Variants in NPHP3 observed in about 807,000 individuals in gnomAD.
NPHP3 encodes the protein nephrocystin 3, also known as nephrocystin-3.
A neutral mutation model predicts 171.9 loss-of-function variants in NPHP3; 123 were observed. That is an observed-to-expected ratio of 0.72 (90% CI 0.62 to 0.83). NPHP3 has a LOEUF of 0.83. Ranked by LOEUF, NPHP3 falls within the 40% of genes least tolerant of loss-of-function variation. The probability of loss-of-function intolerance (pLI) is 0.00; values close to 1 mark genes in which losing one functional copy is unlikely to be tolerated. For synonymous variants in NPHP3, 558 were observed against 579.2 expected (o/e 0.96, Z 0.52); for missense variants, 1,506 against 1,591.9 (o/e 0.95, Z 0.92).
At chr3:132,683,221 G>A (rs1939076092) in intron 25 of NPHP3, among the ~76,000 whole-genome samples, 178 bp downstream of exon 25, 1 of 152,168 alleles carries the variant, frequency 6.6e-6, no homozygotes, top group African/African-American at 2.4e-5. Flanking sequence ...TTTACACTAA[G>A]AGGAAGGGAC....
In NPHP3 at chr3:132,705,807, T is replaced by C. The variant is rs775837415; in HGVS notation, c.1283A>G (p.Asp428Gly). 1.7e-5 allele frequency: 25 copies of C among 1,498,502 alleles called. No homozygotes were observed. The South Asian group carries it at 2.4e-4, about 14-fold the overall frequency. 92.8% of individuals were successfully genotyped at this position (1,498,502 alleles called of 1,614,324 possible). A position where few individuals can be genotyped will look rare whatever the true frequency, so the allele number is the denominator to read the frequency against. ...LNKTSKAKII[D>G]HSGDPAEGVY... ...TCCTTCTGCAGGATCTCCTGAGTGATCAATGATCTAGATAAAAATCATTTA... is the reference window on the plus strand; with the variant it reads ...TCCTTCTGCAGGATCTCCTGAGTGACCAATGATCTAGATAAAAATCATTTA... The change falls in exon 8 of 27, where the codon GAT becomes GGT. Residue 428 changes from aspartate to glycine, a missense_variant. This residue lies in a region of NPHP3 where 930 missense variants were observed against 924.9 expected (regional missense o/e 1.01). Coordinates refer to ENST00000337331, the MANE Select transcript of NPHP3 (RefSeq NM_153240.5).
chr3:132,721,660 G>GAAATA (rs1940222280), intron 1 of NPHP3: 1 of 556,948 alleles, frequency 1.8e-6, no homozygotes, highest in African/African-American at 1.9e-5. Context: ...GCGGGGACCA[G>GAAATA]GCGCGGTGGC....
intron 8 of NPHP3, 81 bp from the exon 9 acceptor site, chr3:132,704,452 C>T (rs1939695207): frequency 2.7e-6 from 4 of 1,465,698 alleles, no homozygotes; most frequent in Non-Finnish European, 3.8e-6. Context: ...CCAAAGTGGG[C>T]TTCACCTACT....
chr3:132,720,607 C>T (rs1940181096), intron 1 of NPHP3, among the ~76,000 whole-genome samples: 1 of 152,116 alleles, frequency 6.6e-6, no homozygotes, highest in African/African-American at 2.4e-5. Context: ...CGGACTTCTT[C>T]CCAGACAACG....
At chr3:132,704,470 G>A in intron 8 of NPHP3, 99 bp from the exon 9 acceptor site, 13 of 1,181,664 alleles carry the variant, frequency 1.1e-5, no homozygotes, top group Non-Finnish European at 1.6e-5. Context: ...ACTTTTGGGA[G>A]GGCAAGTTCA....
At chr3:132,693,526 G>C (rs1939355010) in intron 16 of NPHP3, 1 of 152,234 alleles carries the variant, frequency 6.6e-6, no homozygotes, top group Admixed American at 6.6e-5. Flanking sequence ...GCTTGGAGTG[G>C]GCTGAGAAGT....
At chr3:132,694,779 C>T (rs761388988) in intron 16 of NPHP3, 48 bp downstream of exon 16, 7 of 1,598,858 alleles carry the variant, frequency 4.4e-6, no homozygotes, top group Non-Finnish European at 4.3e-6. Flanking sequence ...CATTCACACA[C>T]ACACAAAGCA....
At position 132,681,160 on chromosome 3, in the gene NPHP3, T is replaced by G. The variant is rs1939017450; in HGVS notation, c.*750A>C. On this transcript the variant is annotated 3_prime_UTR_variant, in exon 27 of 27. Coordinates refer to ENST00000337331, the MANE Select transcript of NPHP3 (RefSeq NM_153240.5). The stretch of plus-strand genomic sequence containing the variant: ...CATTAACCCTTTAATCCTTGAAACT[T>G]TCCTTTGAGGTAGAGAATTGGGCCA... The G allele has an allele frequency of 6.6e-6, 1 of 152,212 alleles. No individual in the cohort carries two copies. Among genetic ancestry groups the G allele is most frequent in the Non-Finnish European group, 1.5e-5 (1 of 68,050 alleles). The allele number at this position is 152,212 out of a possible 1,614,324, so 9.4% of individuals were successfully genotyped here.
Position 132,691,411 on chromosome 3 carries a change from T to C in NPHP3, c.2476-125A>G, listed in dbSNP as rs983499666. 4.4e-6 allele frequency: 3 copies of C among 683,320 alleles called. No individual in the cohort carries two copies. The Admixed American group carries it at 7.1e-5, about 16-fold the overall frequency. 42.3% of individuals were successfully genotyped at this position (683,320 alleles called of 1,614,324 possible). On this transcript the variant is annotated intron_variant, in intron 17 of 26. Coordinates refer to ENST00000337331, the MANE Select transcript of NPHP3 (RefSeq NM_153240.5). ...ATAGCTGTATAATAGAAATGTCACT[T>C]AAATGTTTTTAAATTTAGGACATAT... is the stretch of plus-strand genomic sequence containing the variant.
chr3:132,716,873 G>T lies in NPHP3; in HGVS notation c.707C>A (p.Ala236Asp), dbSNP rs1488359125. Residue 236 changes from alanine to aspartate, a missense_variant, in exon 4 of 27, where the codon GCC (alanine) becomes GAC (aspartate). Physicochemically the swap from Ala to Asp is moderately radical, Grantham distance 126. Transcript: ENST00000337331. ...TCCTATGGAAGGTTCACTTCCCAAGGCTCCGCCAGTCCAATATTCACATTG... is the reference window on the plus strand; with the variant it reads ...TCCTATGGAAGGTTCACTTCCCAAGTCTCCGCCAGTCCAATATTCACATTG... ...GTQCEYWTGG[A>D]LGSEPSIGSM... The T allele has an allele frequency of 6.2e-7, 1 of 1,614,030 alleles. No individual in the cohort carries two copies. Among genetic ancestry groups the T allele is most frequent in the Non-Finnish European group, 8.5e-7 (1 of 1,179,994 alleles).
chr3:132,719,636 T>TTA, intron 2 of NPHP3, 69 bp downstream of exon 2: 1 of 1,015,608 alleles, frequency 9.8e-7, no homozygotes, highest in Non-Finnish European at 1.4e-6. Flanking sequence ...GCATTATATA[T>TTA]TATATATACT....
At chr3:132,721,589 T>C in intron 1 of NPHP3, 1 of 369,610 alleles carries the variant, frequency 2.7e-6, no homozygotes. Flanking sequence ...ATTTGCCTCC[T>C]CAGGACACTT....
Position 132,719,159 on chromosome 3 carries a change from A to G in NPHP3, c.520-15T>C. 1 of 1,580,464 alleles carries G rather than the reference A, an allele frequency of 6.3e-7. No homozygotes were observed. The highest frequency in any genetic ancestry group is 1.8e-5 in the Admixed American group (1 of 54,352). ...TCCCTAAAAATCTTTAAAAAGAATA[A>G]TTTTAATGTTGAAAGCTTTTTCATA... is the stretch of plus-strand genomic sequence containing the variant. On this transcript the variant is annotated splice_polypyrimidine_tract_variant and intron_variant, in intron 2 of 26. Coordinates refer to ENST00000337331, the MANE Select transcript of NPHP3 (RefSeq NM_153240.5).
chr3:132,684,680 CT>C lies in NPHP3; in HGVS notation c.3443del (p.Lys1148ArgfsTer15). ...LNNLAALCNE[K>X]KQYDKAEELY... ...GTTCTTCTGCTTTATCATACTGTTT[CT>C]TTTCATTGCATAGAGCTGCCAGATT... is the stretch of plus-strand genomic sequence containing the variant. On this transcript the variant is annotated frameshift_variant, in exon 24 of 27. Transcript: ENST00000337331. LOFTEE classifies it high-confidence loss of function. 2 of 1,614,058 alleles carry C rather than the reference CT, an allele frequency of 1.2e-6. No homozygotes were observed. Among genetic ancestry groups the C allele is most frequent in the Middle Eastern group, 1.6e-4 (1 of 6,062 alleles).
intron 18 of NPHP3, 95 bp from the exon 19 acceptor site, chr3:132,690,745 A>T (rs1939279131): frequency 4.0e-6 from 5 of 1,237,632 alleles, no homozygotes; most frequent in Non-Finnish European, 5.9e-6. Context: ...AAAATATTTA[A>T]CATATATCTC....
chr3:132,699,816 A>G, intron 12 of NPHP3, 102 bp downstream of exon 12: 1 of 1,286,894 alleles, frequency 7.8e-7, no homozygotes, highest in Non-Finnish European at 1.1e-6. Flanking sequence ...AAAAAATAAC[A>G]TCATATTTTC....
In NPHP3 at chr3:132,696,646, A is replaced by G. The variant is rs1057388807; in HGVS notation, c.2171+85T>C. 5 of 1,148,524 alleles carry G rather than the reference A, an allele frequency of 4.4e-6. No individual in the cohort carries two copies. The African/African-American group carries it at 7.6e-5, about 17-fold the overall frequency. 71.1% of individuals were successfully genotyped at this position (1,148,524 alleles called of 1,614,324 possible). A position where few individuals can be genotyped will look rare whatever the true frequency, so the allele number is the denominator to read the frequency against. ...AGTGGCTCAACAGACTGGTGTAGTG[A>G]TCAGTTCTCAGTTTTGCAGGGTGAG... On this transcript the variant is annotated intron_variant, in intron 15 of 26. Coordinates refer to ENST00000337331, the MANE Select transcript of NPHP3 (RefSeq NM_153240.5).
chr3:132,697,423 A>AT, intron 13 of NPHP3, 61 bp from the exon 14 acceptor site: 1 of 1,096,046 alleles, frequency 9.1e-7, no homozygotes, highest in Non-Finnish European at 1.4e-6. Context: ...GTAATTACCC[A>AT]TAACACAATT....
chr3:132,681,802 C>T lies in NPHP3; in HGVS notation c.*108G>A, dbSNP rs111995127. The T allele has an allele frequency of 4.0e-4, 359 of 896,850 alleles. 1 individual carries two copies. The African/African-American group carries it at 4.1e-3, about 10-fold the overall frequency. The allele number at this position is 896,850 out of a possible 1,614,324, so 55.6% of individuals were successfully genotyped here. A position where few individuals can be genotyped will look rare whatever the true frequency, so the allele number is the denominator to read the frequency against. On this transcript the variant is annotated 3_prime_UTR_variant, in exon 27 of 27. Transcript: ENST00000337331. ...TCATACAAATAGCAGTTAAATCACA[C>T]GTAGTAAAATTTCGTACAACATTTT...
Sources: allele counts gnomAD v4.1 joint callset (sites outside exome capture counted in the v4.1 genomes callset), GRCh38; gene constraint gnomAD v4.1.1; regional missense constraint gnomAD v4.1.1; transcripts MANE v1.5; gene names NCBI Gene and HGNC (gene_info 2026-07-23, HGNC 2026-07-21).